The following SORCS2 variants were observed in gnomAD, a reference collection of about 807,000 sequenced individuals.
SORCS2 encodes VPS10 domain-containing receptor SorCS2.
A neutral mutation model predicts 141.6 loss-of-function variants in SORCS2; 100 were observed. That is an observed-to-expected ratio of 0.71 (90% CI 0.60 to 0.83). The LOEUF is 0.83. Among genes scored for constraint, SORCS2 ranks in the 40% least tolerant of loss-of-function variants. SORCS2 has a pLI of 0.00. For missense variants in SORCS2, 1,646 were observed against 1,560.2 expected (o/e 1.05, Z -0.93); for synonymous variants, 789 against 676.9 (o/e 1.17, Z -2.57).
intron 1 of SORCS2, among the ~76,000 whole-genome samples, chr4:7,232,663 C>G (rs1425389372): frequency 6.6e-6 from 1 of 152,228 alleles, no homozygotes; most frequent in South Asian, 2.1e-4. Context: ...CCCGCGCCAG[C>G]TGTGCCATTT....
chr4:7,678,509 T>C (rs1290225128), intron 9 of SORCS2, among the ~76,000 whole-genome samples: 1 of 134,548 alleles, frequency 7.4e-6, no homozygotes, highest in African/African-American at 2.8e-5. Context: ...TTTCTTAACC[T>C]CTCTGTGCTT....
intron 3 of SORCS2, among the ~76,000 whole-genome samples, chr4:7,561,985 G>A (rs142893001): frequency 3.0e-4 from 45 of 152,096 alleles, no homozygotes; most frequent in Admixed American, 7.9e-4. Flanking sequence ...CTACCCATCC[G>A]TCCCACAAAT....
At chr4:7,397,914 C>T (rs1463051969) in intron 2 of SORCS2, among the ~76,000 whole-genome samples, 2 of 152,170 alleles carry the variant, frequency 1.3e-5, no homozygotes, top group African/African-American at 4.8e-5. Flanking sequence ...TCCAGTATGT[C>T]TGTCAAGTGC....
At chr4:7,412,121 G>A (rs1303549754) in intron 2 of SORCS2, among the ~76,000 whole-genome samples, 2 of 152,190 alleles carry the variant, frequency 1.3e-5, no homozygotes, top group African/African-American at 4.8e-5. Context: ...TCTGTACTCT[G>A]GCTGGGCCTG....
intron 12 of SORCS2, among the ~76,000 whole-genome samples, chr4:7,701,305 G>A (rs1423701053): frequency 6.6e-6 from 1 of 152,032 alleles, no homozygotes; most frequent in East Asian, 1.9e-4. Context: ...GGAAGGTTTT[G>A]GGACATAGCT....
At chr4:7,204,637 C>T (rs1727638416) in intron 1 of SORCS2, among the ~76,000 whole-genome samples, 1 of 152,084 alleles carries the variant, frequency 6.6e-6, no homozygotes, top group African/African-American at 2.4e-5. Context: ...AGGAAATCCA[C>T]AGGAGGAGAA....
chr4:7,521,015 T>A (rs140574754), intron 2 of SORCS2, among the ~76,000 whole-genome samples: 13 of 152,322 alleles, frequency 8.5e-5, no homozygotes, highest in African/African-American at 2.9e-4. Context: ...GGCCCAACAC[T>A]GAGTTTTCTG....
chr4:7,272,575 C>A (rs73206444), intron 1 of SORCS2, among the ~76,000 whole-genome samples: 3 of 152,226 alleles, frequency 2.0e-5, no homozygotes, highest in Non-Finnish European at 4.4e-5. Flanking sequence ...TCACTAGGCA[C>A]GTGCCCATGC....
intron 1 of SORCS2, among the ~76,000 whole-genome samples, chr4:7,387,837 C>CACACGTGCACACACGCACACACGTACAG: frequency 1.4e-5 from 1 of 70,272 alleles, no homozygotes; most frequent in South Asian, 3.5e-4. Flanking sequence ...CATGCACATA[C>CACACGTGCACACACGCACACACGTACAG]ATACACATGC....
At chr4:7,643,765 G>A (rs2107174) in intron 4 of SORCS2, among the ~76,000 whole-genome samples, 8 of 152,094 alleles carry the variant, frequency 5.3e-5, no homozygotes, top group African/African-American at 1.5e-4. Flanking sequence ...GGCAGTGGGT[G>A]TGAGGAGAGC....
chr4:7,460,426 A>G (rs1456325796), intron 2 of SORCS2, among the ~76,000 whole-genome samples: 1 of 152,118 alleles, frequency 6.6e-6, no homozygotes, highest in Non-Finnish European at 1.5e-5. Context: ...CAGCTTCAGA[A>G]CAGCTCGGTG....
chr4:7,347,330 C>T lies in SORCS2; in HGVS notation c.481-48958C>T, dbSNP rs1720699865. On this transcript the variant is annotated intron_variant, in intron 1 of 26. Coordinates refer to ENST00000507866, the MANE Select transcript of SORCS2 (RefSeq NM_020777.3). ...CTCTGCAAGCATTCTCCTTGGCAACCCTGAATCCATTTACGATAGAATTCC... is the reference window on the plus strand; with the variant it reads ...CTCTGCAAGCATTCTCCTTGGCAACTCTGAATCCATTTACGATAGAATTCC... Among the ~76,000 whole-genome samples the T allele has an allele frequency of 2.0e-5, 3 of 152,196 alleles. No individual in the cohort carries two copies. The South Asian group carries it at 6.2e-4, about 32-fold the overall frequency.
intron 14 of SORCS2, among the ~76,000 whole-genome samples, chr4:7,707,850 G>A (rs1279620792): frequency 3.3e-5 from 5 of 152,200 alleles, no homozygotes; most frequent in African/African-American, 1.2e-4. Context: ...GCCTGCAGGG[G>A]CCTGGCTGGG....
intron 17 of SORCS2, among the ~76,000 whole-genome samples, chr4:7,715,765 G>T (rs1355998865): frequency 6.6e-6 from 1 of 152,160 alleles, no homozygotes; most frequent in Non-Finnish European, 1.5e-5. Context: ...ATTCACCAAG[G>T]CTTGGGTGCT....
chr4:7,702,519 T>C (rs1240391949), intron 12 of SORCS2, among the ~76,000 whole-genome samples: 1 of 152,170 alleles, frequency 6.6e-6, no homozygotes, highest in Non-Finnish European at 1.5e-5. Flanking sequence ...CTGGGGCTGT[T>C]TGCCAAGCGA....
chr4:7,304,545 C>G lies in SORCS2; in HGVS notation c.481-91743C>G, dbSNP rs530178671. ...TTGAGCCTGGGCTCCCTGATATCCTCTGGGCCTGTGAGAGCCAGGTAGCGT... is the reference window on the plus strand; with the variant it reads ...TTGAGCCTGGGCTCCCTGATATCCTGTGGGCCTGTGAGAGCCAGGTAGCGT... On this transcript the variant is annotated intron_variant, in intron 1 of 26. Coordinates refer to ENST00000507866, the MANE Select transcript of SORCS2 (RefSeq NM_020777.3). 3.9e-5 allele frequency among the ~76,000 whole-genome samples: 6 copies of G among 152,364 alleles called. No individual in the cohort carries two copies. In the South Asian group the frequency reaches 6.2e-4, roughly 16 times the overall value.
At chr4:7,517,707 C>T (rs1378893622) in intron 2 of SORCS2, among the ~76,000 whole-genome samples, 1 of 152,196 alleles carries the variant, frequency 6.6e-6, no homozygotes, top group Non-Finnish European at 1.5e-5. Flanking sequence ...TGCATGGAGG[C>T]TCAGAGCATC....
chr4:7,195,254 C>T (rs1276740612), intron 1 of SORCS2, among the ~76,000 whole-genome samples: 1 of 152,032 alleles, frequency 6.6e-6, no homozygotes, highest in East Asian at 1.9e-4. Context: ...GTGAGGACAG[C>T]AAGTCCAAGG....
intron 3 of SORCS2, among the ~76,000 whole-genome samples, chr4:7,563,959 A>T (rs1714778760): frequency 6.6e-6 from 1 of 152,230 alleles, no homozygotes; most frequent in Non-Finnish European, 1.5e-5. Flanking sequence ...TTTATGAAAC[A>T]TAAGATGTCA....
Sources: allele counts gnomAD v4.1 joint callset (sites outside exome capture counted in the v4.1 genomes callset), GRCh38; gene constraint gnomAD v4.1.1; transcripts MANE v1.5; gene names NCBI Gene and HGNC (gene_info 2026-07-23, HGNC 2026-07-21).